Variants in UQCC1 observed in about 807,000 individuals in gnomAD.
UQCC1 encodes the protein bFGF-repressed Zic-binding protein.
UQCC1 carries 38 observed loss-of-function variants against 48.0 expected under a neutral mutation model. The ratio of observed to expected loss-of-function variants is 0.79; its 90% CI spans 0.61 to 1.04. UQCC1 has a LOEUF of 1.04. Ranked by LOEUF, UQCC1 falls within the 50% of genes least tolerant of loss-of-function variation. UQCC1 has a pLI of 0.00. For missense variants in UQCC1, 368 were observed against 381.8 expected, an observed-to-expected ratio of 0.96 and a Z score of 0.30; for synonymous variants, 111 against 129.2, an observed-to-expected ratio of 0.86 and a Z score of 0.95.
intron 2 of UQCC1, among the ~76,000 whole-genome samples, chr20:35,390,339 T>C (rs187250615): frequency 2.0e-5 from 3 of 151,854 alleles, no homozygotes. Flanking sequence ...GCAGAAATGC[T>C]TGAACCTGGG....
chr20:35,409,675 G>C (rs1340174823), intron 1 of UQCC1, among the ~76,000 whole-genome samples: 1 of 152,176 alleles, frequency 6.6e-6, no homozygotes, highest in South Asian at 2.1e-4. Context: ...GCTCTCTGCT[G>C]TAGTCATTCA....
intron 6 of UQCC1, among the ~76,000 whole-genome samples, chr20:35,353,885 T>C (rs2146406332): frequency 6.6e-6 from 1 of 152,340 alleles, no homozygotes; most frequent in Non-Finnish European, 1.5e-5. Flanking sequence ...CAACTTCTAG[T>C]TCTGCAAGCT....
intron 1 of UQCC1, among the ~76,000 whole-genome samples, chr20:35,395,816 G>A (rs919001328): frequency 6.6e-6 from 1 of 151,984 alleles, no homozygotes; most frequent in African/African-American, 2.4e-5. Context: ...ATTTCTCCAA[G>A]GATAAGATAA....
intron 2 of UQCC1, 87 bp downstream of exon 2, chr20:35,394,005 C>T: frequency 7.6e-7 from 1 of 1,313,478 alleles, no homozygotes; most frequent in Non-Finnish European, 1.1e-6. Flanking sequence ...TTCCATCACA[C>T]AATTTGGTTG....
At chr20:35,400,384 C>G (rs555782678) in intron 1 of UQCC1, among the ~76,000 whole-genome samples, 2 of 152,188 alleles carry the variant, frequency 1.3e-5, no homozygotes, top group East Asian at 3.9e-4. Flanking sequence ...ATAGCCACTC[C>G]CAATGGCAAA....
intron 7 of UQCC1, among the ~76,000 whole-genome samples, chr20:35,318,728 C>G (rs55865073): frequency 6.6e-6 from 1 of 152,170 alleles, no homozygotes; most frequent in Admixed American, 6.5e-5. Context: ...AGTACAGACA[C>G]GTGATCTGCA....
chr20:35,338,741 A>G (rs1335165558), intron 7 of UQCC1, among the ~76,000 whole-genome samples: 1 of 150,178 alleles, frequency 6.7e-6, no homozygotes, highest in Non-Finnish European at 1.5e-5. Flanking sequence ...GCTACTTGGG[A>G]GGCTGAAGCA....
chr20:35,323,185 C>T (rs1376398879), intron 7 of UQCC1, among the ~76,000 whole-genome samples: 3 of 152,210 alleles, frequency 2.0e-5, no homozygotes, highest in Non-Finnish European at 4.4e-5. Flanking sequence ...CACCTTTCTG[C>T]TTCTGATGAG....
At chr20:35,388,309 G>GC (rs2061972521) in intron 2 of UQCC1, among the ~76,000 whole-genome samples, 2 of 166 alleles carry the variant, frequency 0.012, no homozygotes, top group African/African-American at 0.053. Context: ...CTTTTTTTTT[G>GC]AGACAGGGTC....
At chr20:35,402,841 G>A (rs978636617) in intron 1 of UQCC1, among the ~76,000 whole-genome samples, 12 of 151,588 alleles carry the variant, frequency 7.9e-5, no homozygotes, top group South Asian at 4.2e-4. Context: ...CGAGGCAGGC[G>A]GACTGCCTGA....
Position 35,304,053 on chromosome 20 carries a change from G to T in UQCC1, c.782C>A (p.Ser261Tyr). 6.2e-7 allele frequency: 1 copy of T among 1,614,158 alleles called. No individual in the cohort carries two copies. The highest frequency in any genetic ancestry group is 1.1e-5 in the South Asian group (1 of 91,088). ...YVRKQIQYLD[S>Y]MNGEDLLLTG... ...CAGAAGCAGATCCTCCCCGTTCATGGAGTCCAGGTACTGTATCTGCAACCA... is the reference window on the plus strand; with the variant it reads ...CAGAAGCAGATCCTCCCCGTTCATGTAGTCCAGGTACTGTATCTGCAACCA... The change falls in exon 10 of 10, where the codon TCC (serine) becomes TAC (tyrosine). Residue 261 changes from serine to tyrosine, a missense_variant. Physicochemically the swap from Ser to Tyr is moderately radical, Grantham distance 144. Coordinates refer to ENST00000374385, the MANE Select transcript of UQCC1 (RefSeq NM_018244.5).
At chr20:35,357,083 T>C (rs2061554164) in intron 6 of UQCC1, among the ~76,000 whole-genome samples, 1 of 152,212 alleles carries the variant, frequency 6.6e-6, no homozygotes, top group African/African-American at 2.4e-5. Context: ...GTATGTTGAA[T>C]GGTAAAAGAA....
At position 35,324,753 on chromosome 20, in the gene UQCC1, C is replaced by T. The variant is rs1456733410; in HGVS notation, c.574-9988G>A. On this transcript the variant is annotated intron_variant, in intron 7 of 9. Transcript: ENST00000374385. The stretch of plus-strand genomic sequence containing the variant: ...TTGTTGAAGAAAATGTAAAATGGTA[C>T]AGCCACTGTGGAAAACAGTTTGGCG... Among the ~76,000 whole-genome samples, 11 of 152,330 alleles carry T rather than the reference C, an allele frequency of 7.2e-5. No individual in the cohort carries two copies. The East Asian group carries it at 2.1e-3, about 29-fold the overall frequency.
intron 1 of UQCC1, among the ~76,000 whole-genome samples, chr20:35,405,669 C>T (rs1041591577): frequency 1.3e-5 from 2 of 152,174 alleles, no homozygotes; most frequent in African/African-American, 4.8e-5. Flanking sequence ...AGGGGGATCA[C>T]CTGAGGTCAG....
At position 35,347,285 on chromosome 20, in the gene UQCC1, A is replaced by C; in HGVS notation, c.465-13T>G. 1 of 1,612,846 alleles carries C rather than the reference A, an allele frequency of 6.2e-7. No individual in the cohort carries two copies. The highest frequency in any genetic ancestry group is 8.5e-7 in the Non-Finnish European group (1 of 1,178,946). On this transcript the variant is annotated splice_polypyrimidine_tract_variant and intron_variant, in intron 6 of 9. Transcript: ENST00000374385. Reference sequence around the variant, plus strand: ...GACTAGACACATCCTGGGTGGGAAGAAGACAAAAAAAGTCTTGGCTGTTTG... The same window carrying C: ...GACTAGACACATCCTGGGTGGGAAGCAGACAAAAAAAGTCTTGGCTGTTTG...
chr20:35,365,407 C>A (rs1022157209), intron 6 of UQCC1, among the ~76,000 whole-genome samples: 1 of 152,092 alleles, frequency 6.6e-6, no homozygotes, highest in Non-Finnish European at 1.5e-5. Flanking sequence ...GTAATCTCAG[C>A]ACTTTGGGAA....
intron 7 of UQCC1, among the ~76,000 whole-genome samples, chr20:35,319,693 C>T (rs549357774): frequency 7.9e-5 from 12 of 152,164 alleles, no homozygotes; most frequent in African/African-American, 2.9e-4. Flanking sequence ...TACTAATCGG[C>T]AGATTAATGA....
intron 2 of UQCC1, among the ~76,000 whole-genome samples, chr20:35,391,715 A>C (rs2062016700): frequency 8.2e-6 from 1 of 122,660 alleles, no homozygotes; most frequent in African/African-American, 2.9e-5. Context: ...AGATCAAAAA[A>C]GGACATTCAT....
At chr20:35,349,298 A>C (rs2061464944) in intron 6 of UQCC1, among the ~76,000 whole-genome samples, 1 of 152,246 alleles carries the variant, frequency 6.6e-6, no homozygotes, top group Non-Finnish European at 1.5e-5. Context: ...GAATCTAACA[A>C]GATCAACCTA....
Sources: allele counts gnomAD v4.1 joint callset (sites outside exome capture counted in the v4.1 genomes callset), GRCh38; gene constraint gnomAD v4.1.1; transcripts MANE v1.5; gene names NCBI Gene and HGNC (gene_info 2026-07-23, HGNC 2026-07-21).